SLIT2: variants seen among roughly 807,000 people sequenced by gnomAD.
SLIT2 encodes the protein slit homolog 2 protein.
SLIT2 carries 41 observed loss-of-function variants against 185.7 expected under a neutral mutation model. The ratio of observed to expected loss-of-function variants is 0.22; its 90% CI spans 0.17 to 0.29. SLIT2 has a LOEUF of 0.29. Ranked by LOEUF, SLIT2 falls within the 10% of genes least tolerant of loss-of-function variation. SLIT2 has a pLI of 1.00. For missense variants in SLIT2, 1,571 were observed against 1,909.0 expected (o/e 0.82, Z 3.30); for synonymous variants, 693 against 680.2 (o/e 1.02, Z -0.29).
rs1191076846 is a variant in SLIT2 at position 20,542,652 on chromosome 4, T to C, written c.2276+26T>C. The stretch of plus-strand genomic sequence containing the variant: ...GTAAGTAGAGCTTGTCTTTCTTTTC[T>C]TTTCTTTTTCCTTGATGATAAATGT... On this transcript the variant is annotated intron_variant, in intron 21 of 36. Transcript: ENST00000504154. 3 of 1,609,262 alleles carry C rather than the reference T, an allele frequency of 1.9e-6. No individual in the cohort carries two copies. In the African/African-American group the frequency reaches 4.0e-5, roughly 22 times the overall value.
chr4:20,605,523 T>C (rs1008719550), intron 33 of SLIT2, among the ~76,000 whole-genome samples: 2 of 152,092 alleles, frequency 1.3e-5, no homozygotes, highest in Non-Finnish European at 2.9e-5. Context: ...TCATAAAATA[T>C]ATTGTTCCCT....
intron 4 of SLIT2, among the ~76,000 whole-genome samples, chr4:20,329,804 T>G (rs780162586): frequency 5.3e-5 from 8 of 152,010 alleles, no homozygotes; most frequent in Non-Finnish European, 8.8e-5. Context: ...TGCTGAGGAA[T>G]AATATGCTAG....
chr4:20,427,892 C>T lies in SLIT2; in HGVS notation c.396-39860C>T, dbSNP rs192533216. Among the ~76,000 whole-genome samples the T allele has an allele frequency of 3.9e-4, 60 of 152,216 alleles. No homozygotes were observed. The East Asian group carries it at 7.9e-3, about 20-fold the overall frequency. The stretch of plus-strand genomic sequence containing the variant: ...ACCATGCCTCTCTTCATTTCTAAGT[C>T]TTCTGACCTAAATTACAAACCTGAA... On this transcript the variant is annotated intron_variant, in intron 4 of 36. Coordinates refer to ENST00000504154, the MANE Select transcript of SLIT2 (RefSeq NM_004787.4).
chr4:20,254,781 C>T lies in SLIT2; in HGVS notation c.179+787C>T, dbSNP rs1425403639. ...GCGGCGACCCGGCGGTGCCCGGCTG[C>T]CCCCTCCGGCCCTTCCTGCTGAACC... On this transcript the variant is annotated intron_variant, in intron 1 of 36. Coordinates refer to ENST00000504154, the MANE Select transcript of SLIT2 (RefSeq NM_004787.4). The surrounding 1 kb of genome is among the most constrained non-coding windows in gnomAD (Gnocchi z 5.1). 3 of 391,618 alleles carry T rather than the reference C, an allele frequency of 7.7e-6. No homozygotes were observed. The highest frequency in any genetic ancestry group is 7.2e-5 in the East Asian group (1 of 13,962). The allele number at this position is 391,618 out of a possible 1,614,324, so 24.3% of individuals were successfully genotyped here.
chr4:20,546,288 T>C (rs1190987230), intron 22 of SLIT2, among the ~76,000 whole-genome samples, 189 bp downstream of exon 22: 1 of 152,118 alleles, frequency 6.6e-6, no homozygotes, highest in Non-Finnish European at 1.5e-5. Flanking sequence ...CGATGGAGTG[T>C]CTTAGCAAGA....
At chr4:20,434,295 C>T (rs1350676231) in intron 4 of SLIT2, among the ~76,000 whole-genome samples, 1 of 129,160 alleles carries the variant, frequency 7.7e-6, no homozygotes, top group African/African-American at 3.0e-5. Context: ...TGAGACCAGC[C>T]TGACCAACAT....
rs191452404 is a variant in SLIT2, at chr4:20,339,812, T to A, written c.395+70931T>A. 8.0e-3 allele frequency among the ~76,000 whole-genome samples: 1,215 copies of A among 152,084 alleles called. 11 individuals are homozygous for A. Among genetic ancestry groups the A allele is most frequent in the Middle Eastern group, 0.041 (12 of 294 alleles). On this transcript the variant is annotated intron_variant, in intron 4 of 36. Coordinates refer to ENST00000504154, the MANE Select transcript of SLIT2 (RefSeq NM_004787.4). Reference sequence around the variant, plus strand: ...TCATTGAAAGAAAGGGAAAGCAGTGTGATTTAAAAAAAAAAGAAAAAAATC... The same window carrying A: ...TCATTGAAAGAAAGGGAAAGCAGTGAGATTTAAAAAAAAAAGAAAAAAATC...
At chr4:20,304,666 G>C (rs762026748) in intron 4 of SLIT2, among the ~76,000 whole-genome samples, 25 of 152,102 alleles carry the variant, frequency 1.6e-4, no homozygotes, top group Non-Finnish European at 3.4e-4. Flanking sequence ...GTGATACAAA[G>C]AGATGCACAT....
chr4:20,319,811 CAA>C (rs796312560), intron 4 of SLIT2, among the ~76,000 whole-genome samples: 3 of 48,010 alleles, frequency 6.2e-5, no homozygotes, highest in Non-Finnish European at 7.3e-5. Flanking sequence ...AAAAACAAAA[CAA>C]AAAAAAAACA....
At chr4:20,512,394 A>G (rs1719836381) in intron 11 of SLIT2, among the ~76,000 whole-genome samples, 1 of 152,188 alleles carries the variant, frequency 6.6e-6, no homozygotes, top group Non-Finnish European at 1.5e-5. Context: ...AAAAAACACT[A>G]CAGTTTTCTT....
rs1169913396 is a variant in SLIT2, at chr4:20,519,298, T to C, written c.1059-84T>C. The C allele has an allele frequency of 4.1e-6, 3 of 726,990 alleles. No homozygotes were observed. In the African/African-American group the frequency reaches 5.3e-5, roughly 13 times the overall value. 45.0% of individuals were successfully genotyped at this position (726,990 alleles called of 1,614,324 possible). ...ATGTATTGATTGCCTACTAGCTTCCTGTATGCCTGAGTAAATATGTATTAG... is the reference window on the plus strand; with the variant it reads ...ATGTATTGATTGCCTACTAGCTTCCCGTATGCCTGAGTAAATATGTATTAG... On this transcript the variant is annotated intron_variant, in intron 11 of 36. Transcript: ENST00000504154.
intron 4 of SLIT2, among the ~76,000 whole-genome samples, chr4:20,337,260 A>C (rs894157714): frequency 1.3e-5 from 2 of 152,166 alleles, no homozygotes; most frequent in Non-Finnish European, 2.9e-5. Context: ...GGCAAGGAGG[A>C]GCAAGTGACA....
intron 9 of SLIT2, among the ~76,000 whole-genome samples, chr4:20,509,357 T>C (rs1244499824): frequency 6.6e-6 from 1 of 151,988 alleles, no homozygotes; most frequent in African/African-American, 2.4e-5. Context: ...CCCAGGGCTA[T>C]AAGGACAGAA....
chr4:20,449,398 G>T (rs984146217), intron 4 of SLIT2, among the ~76,000 whole-genome samples: 1 of 152,056 alleles, frequency 6.6e-6, no homozygotes, highest in Non-Finnish European at 1.5e-5. Context: ...GAAAAAACAG[G>T]GTTTTTGTTT....
chr4:20,524,540 T>C (rs143824216), intron 14 of SLIT2, among the ~76,000 whole-genome samples: 1 of 152,310 alleles, frequency 6.6e-6, no homozygotes, highest in East Asian at 1.9e-4. Flanking sequence ...AGTAATTAAC[T>C]GTGTTTTCAT....
At position 20,523,865 on chromosome 4, in the gene SLIT2, C is replaced by A; in HGVS notation, c.1236C>A (p.Ala412=). The stretch of plus-strand genomic sequence containing the variant: ...ATGACAACAAGCTTCAGACCATCGC[C>A]AAGGGGACCTTTTCACCTCTTCGGG... ...SLYDNKLQTI[A]KGTFSPLRAI... The change falls in exon 13 of 37, where the codon GCC becomes GCA. Residue 412 remains alanine (A), a synonymous_variant. Transcript: ENST00000504154. 6.2e-7 allele frequency: 1 copy of A among 1,614,080 alleles called. No homozygotes were observed. The highest frequency in any genetic ancestry group is 8.5e-7 in the Non-Finnish European group (1 of 1,179,970).
chr4:20,582,626 T>C (rs756908686), intron 29 of SLIT2, among the ~76,000 whole-genome samples: 7 of 152,188 alleles, frequency 4.6e-5, no homozygotes, highest in Non-Finnish European at 8.8e-5. Context: ...AGTATGAATT[T>C]CTTTTTCCCT....
chr4:20,615,155 G>A (rs1194489942), intron 34 of SLIT2: 1 of 152,170 alleles, frequency 6.6e-6, no homozygotes, highest in Non-Finnish European at 1.5e-5. Context: ...GGTCATTAAA[G>A]TCCTTATGAT....
chr4:20,426,535 T>C (rs1415311853), intron 4 of SLIT2, among the ~76,000 whole-genome samples: 1 of 152,094 alleles, frequency 6.6e-6, no homozygotes, highest in Non-Finnish European at 1.5e-5. Flanking sequence ...TGAGAAAGGA[T>C]CTAGAGGTTG....
Sources: gnomAD v4.1 joint callset for allele counts (sites outside exome capture counted in the v4.1 genomes callset) on GRCh38, gnomAD v4.1.1 for gene constraint, Gnocchi (gnomAD v3.1) non-coding constraint, MANE v1.5 for transcripts, NCBI Gene and HGNC (gene_info 2026-07-23, HGNC 2026-07-21) for gene names.